Variants in JAM3 observed in about 807,000 individuals in gnomAD.
The protein encoded by JAM3 is junctional adhesion molecule C.
Under a neutral mutation model 39.4 loss-of-function variants are expected in JAM3, and 31 were observed. That is an observed-to-expected ratio of 0.79 (90% confidence interval 0.59 to 1.06). The LOEUF is 1.06. Ranked by LOEUF, JAM3 falls within the 50% of genes least tolerant of loss-of-function variation. The pLI is 0.00. For missense variants in JAM3, 455 were observed against 391.4 expected, an observed-to-expected ratio of 1.16 and a Z score of -1.37; for synonymous variants, 182 against 148.7, an observed-to-expected ratio of 1.22 and a Z score of -1.63.
intron 1 of JAM3, among the ~76,000 whole-genome samples, chr11:134,136,521 T>C (rs1261066645): frequency 6.6e-6 from 1 of 152,194 alleles, no homozygotes; most frequent in Non-Finnish European, 1.5e-5. Context: ...TCTAGAGTAT[T>C]AGTAAATTTA....
intron 1 of JAM3, among the ~76,000 whole-genome samples, chr11:134,123,564 T>C (rs540055740): frequency 6.6e-6 from 1 of 152,372 alleles, no homozygotes; most frequent in East Asian, 1.9e-4. Context: ...CTGGCAGAAA[T>C]TCAAACTCCA....
chr11:134,087,580 C>A (rs1349386198), intron 1 of JAM3, among the ~76,000 whole-genome samples: 1 of 152,140 alleles, frequency 6.6e-6, no homozygotes, highest in Non-Finnish European at 1.5e-5. Flanking sequence ...TTTTTAAAAA[C>A]CTTTCTCTTC....
intron 1 of JAM3, among the ~76,000 whole-genome samples, chr11:134,129,570 C>G (rs892621252): frequency 7.2e-5 from 11 of 152,096 alleles, no homozygotes; most frequent in Admixed American, 7.2e-4. Context: ...CCCTAGATAG[C>G]AAGTAGAATA....
chr11:134,123,599 A>T (rs1942580180), intron 1 of JAM3, among the ~76,000 whole-genome samples: 1 of 152,230 alleles, frequency 6.6e-6, no homozygotes, highest in South Asian at 2.1e-4. Flanking sequence ...ATCATCCTTC[A>T]CTGAATTAAT....
At chr11:134,131,343 A>C (rs1002372254) in intron 1 of JAM3, among the ~76,000 whole-genome samples, 1 of 152,156 alleles carries the variant, frequency 6.6e-6, no homozygotes, top group Non-Finnish European at 1.5e-5. Context: ...AAGGAACCTC[A>C]GTGACCAAAC....
chr11:134,105,476 A>C (rs549007379), intron 1 of JAM3, among the ~76,000 whole-genome samples: 129 of 152,292 alleles, frequency 8.5e-4, no homozygotes, highest in Non-Finnish European at 1.5e-3. Flanking sequence ...ACTCCTATTC[A>C]ACATAGTGTT....
intron 1 of JAM3, among the ~76,000 whole-genome samples, chr11:134,078,358 G>A (rs1426311239): frequency 1.3e-5 from 2 of 152,152 alleles, no homozygotes; most frequent in Admixed American, 6.6e-5. Context: ...GACCTCAGGT[G>A]ATCCACCTGC....
chr11:134,069,125 G>C lies in JAM3; in HGVS notation c.42G>C (p.Arg14=). The change falls in exon 1 of 9, where the codon CGG becomes CGC. Residue 14 remains arginine (R), a synonymous_variant. Transcript: ENST00000299106. Reference sequence around the variant, plus strand: ...CACCGCGACTCCGGCTCTGCGCTCGGCTGCCTGACTTCTTCCTGCTGCTGC... The same window carrying C: ...CACCGCGACTCCGGCTCTGCGCTCGCCTGCCTGACTTCTTCCTGCTGCTGC... ...RRPPRLRLCA[R]LPDFFLLLLF... The C allele has an allele frequency of 6.2e-7, 1 of 1,612,756 alleles. No individual in the cohort carries two copies. The highest frequency in any genetic ancestry group is 8.5e-7 in the Non-Finnish European group (1 of 1,179,400).
intron 1 of JAM3, among the ~76,000 whole-genome samples, chr11:134,078,547 A>G (rs899661642): frequency 6.6e-6 from 1 of 152,234 alleles, no homozygotes; most frequent in Non-Finnish European, 1.5e-5. Context: ...CTTGTGAGAC[A>G]TGGAATAAAA....
At chr11:134,134,588 A>G (rs1275186583) in intron 1 of JAM3, among the ~76,000 whole-genome samples, 1 of 152,130 alleles carries the variant, frequency 6.6e-6, no homozygotes, top group Non-Finnish European at 1.5e-5. Flanking sequence ...GGAACTGCCA[A>G]GCTTTTCATG....
chr11:134,071,357 G>C (rs1941482181), intron 1 of JAM3, among the ~76,000 whole-genome samples: 1 of 152,220 alleles, frequency 6.6e-6, no homozygotes, highest in South Asian at 2.1e-4. Flanking sequence ...TTCATTATTT[G>C]TGTTAATCCA....
intron 1 of JAM3, among the ~76,000 whole-genome samples, chr11:134,094,879 C>T (rs1941949253): frequency 6.6e-6 from 1 of 152,168 alleles, no homozygotes; most frequent in East Asian, 1.9e-4. Context: ...ATAGTACGTG[C>T]TAGATGCTCA....
intron 1 of JAM3, among the ~76,000 whole-genome samples, chr11:134,086,819 G>A (rs1232951075): frequency 6.6e-6 from 1 of 151,912 alleles, no homozygotes; most frequent in Admixed American, 6.6e-5. Context: ...TGTTGTTGTT[G>A]TTGTTTTGTT....
chr11:134,095,237 A>C (rs1310712845), intron 1 of JAM3, among the ~76,000 whole-genome samples: 7 of 152,374 alleles, frequency 4.6e-5, no homozygotes, highest in Non-Finnish European at 8.8e-5. Context: ...ATGAAGAAAT[A>C]CACCTGTTAG....
chr11:134,087,305 G>A (rs1293495792), intron 1 of JAM3, among the ~76,000 whole-genome samples: 45 of 152,102 alleles, frequency 3.0e-4, no homozygotes. Context: ...AACAAATAAA[G>A]TATTTCTGTT....
intron 1 of JAM3, among the ~76,000 whole-genome samples, chr11:134,130,983 A>G (rs547126405): frequency 4.6e-5 from 7 of 152,290 alleles, no homozygotes; most frequent in Admixed American, 1.3e-4. Flanking sequence ...TAGGCCCTGT[A>G]AGGCCCAGAG....
intron 1 of JAM3, among the ~76,000 whole-genome samples, chr11:134,097,058 C>T (rs1054359221): frequency 6.6e-6 from 1 of 152,072 alleles, no homozygotes; most frequent in Admixed American, 6.6e-5. Context: ...TCACTGCCCT[C>T]CAGAAGTCCC....
chr11:134,123,072 A>T (rs1353778503), intron 1 of JAM3, among the ~76,000 whole-genome samples: 1 of 152,256 alleles, frequency 6.6e-6, no homozygotes, highest in East Asian at 1.9e-4. Context: ...TCAAAATAAA[A>T]CAAAAGGCTC....
At chr11:134,096,063 A>G (rs1342700084) in intron 1 of JAM3, among the ~76,000 whole-genome samples, 1 of 151,630 alleles carries the variant, frequency 6.6e-6, no homozygotes, top group Non-Finnish European at 1.5e-5. Context: ...TGCAACCTCC[A>G]CCTCCTGGGT....
Sources: allele counts gnomAD v4.1 joint callset (sites outside exome capture counted in the v4.1 genomes callset), GRCh38; gene constraint gnomAD v4.1.1; transcripts MANE v1.5; gene names NCBI Gene and HGNC (gene_info 2026-07-23, HGNC 2026-07-21).